Variants in SCN1A observed in about 807,000 individuals in gnomAD.
SCN1A encodes the protein sodium channel protein type 1 subunit alpha.
In SCN1A, 13 loss-of-function variants were observed where a neutral mutation model predicts 193.7. The observed-to-expected ratio is 0.07, with a 90% CI of 0.04 to 0.11. The LOEUF is 0.11. SCN1A is among the 10% of genes least tolerant of loss of function. The pLI, the probability that SCN1A is intolerant of heterozygous loss-of-function variation, is 1.00. For synonymous variants in SCN1A, 781 were observed against 843.6 expected, an observed-to-expected ratio of 0.93 and a Z score of 1.29; for missense variants, 1,432 against 2,451.1, an observed-to-expected ratio of 0.58 and a Z score of 8.78.
intron 1 of SCN1A, among the ~76,000 whole-genome samples, chr2:166,145,773 G>T (rs1245111583): frequency 6.6e-6 from 1 of 152,132 alleles, no homozygotes; most frequent in Non-Finnish European, 1.5e-5. Flanking sequence ...ATAACTTTAT[G>T]ATTATACCAT....
At chr2:166,020,319 C>T (rs495681) in intron 19 of SCN1A, among the ~76,000 whole-genome samples, 35,540 of 151,990 alleles carry the variant, frequency 0.23, 4,616 homozygotes, top group Middle Eastern at 0.41. Context: ...CAACACTTTA[C>T]AGGGACTACT....
chr2:166,044,180 T>C (rs1055539726), intron 13 of SCN1A, 131 bp from the exon 14 acceptor site: 1 of 1,066,836 alleles, frequency 9.4e-7, no homozygotes, highest in Admixed American at 2.4e-5. Flanking sequence ...CTTTTGATTA[T>C]CATTCTCATT....
In SCN1A at chr2:166,024,076, A is replaced by C. The variant is rs574520644; in HGVS notation, c.3430-8349T>G. Among the ~76,000 whole-genome samples, 425 of 152,068 alleles carry C rather than the reference A, an allele frequency of 2.8e-3. 3 individuals are homozygous for C. Among genetic ancestry groups the C allele is most frequent in the Middle Eastern group, 0.01 (3 of 294 alleles). Reference sequence around the variant, plus strand: ...ACAGTGTGAGACACCGCGCCTGGCCAAAAATTTTTTTAAATAGCTGGATGT... The same window carrying C: ...ACAGTGTGAGACACCGCGCCTGGCCCAAAATTTTTTTAAATAGCTGGATGT... On this transcript the variant is annotated intron_variant, in intron 19 of 28. Coordinates refer to ENST00000674923, the MANE Select transcript of SCN1A (RefSeq NM_001165963.4).
intron 19 of SCN1A, among the ~76,000 whole-genome samples, chr2:166,023,414 T>G (rs778056218): frequency 1.3e-4 from 20 of 152,362 alleles, no homozygotes; most frequent in Middle Eastern, 6.8e-3. Flanking sequence ...ACCTCTTACT[T>G]TCTGCGTGGC....
chr2:166,145,142 ATTTTTTTTTTTTTTTTTTT>A (rs10527781), intron 1 of SCN1A, among the ~76,000 whole-genome samples: 1 of 129,024 alleles, frequency 7.8e-6, no homozygotes, highest in East Asian at 2.6e-4. Context: ...GGCCTAAGTA[ATTTTTTTTTTTTTTTTTTT>A]TTTTTTTTTT....
At chr2:166,052,612 G>GAAA (rs34747425) in intron 8 of SCN1A, among the ~76,000 whole-genome samples, 8 of 87,856 alleles carry the variant, frequency 9.1e-5, no homozygotes, top group African/African-American at 2.5e-4. Context: ...CTAACATGGT[G>GAAA]AAAAAAAAAA....
intron 2 of SCN1A, among the ~76,000 whole-genome samples, chr2:166,080,633 GA>G (rs1045361563): frequency 1.0e-5 from 1 of 98,052 alleles, no homozygotes; most frequent in Non-Finnish European, 2.3e-5. Flanking sequence ...AAGAAGACAG[GA>G]AAAAAATAAT....
intron 2 of SCN1A, chr2:166,123,705 T>C (rs1034107201): frequency 6.6e-6 from 1 of 152,198 alleles, no homozygotes; most frequent in Non-Finnish European, 1.5e-5. Flanking sequence ...AAATGACTGA[T>C]TTATGTTTTT....
chr2:166,044,192 T>A, intron 13 of SCN1A, 143 bp from the exon 14 acceptor site: 3 of 1,000,502 alleles, frequency 3.0e-6, no homozygotes, highest in Non-Finnish European at 4.4e-6. Flanking sequence ...ATTCTCATTT[T>A]ATGTGCATTC....
intron 4 of SCN1A, among the ~76,000 whole-genome samples, chr2:166,072,837 C>CTTTTTTTTT (rs796420549): frequency 2.5e-4 from 30 of 119,434 alleles, no homozygotes; most frequent in East Asian, 7.8e-4. Flanking sequence ...TCTCTTCTTT[C>CTTTTTTTTT]TTTTTTTTTT....
chr2:166,085,629 A>G (rs951849551), intron 2 of SCN1A, among the ~76,000 whole-genome samples: 1 of 152,134 alleles, frequency 6.6e-6, no homozygotes, highest in Admixed American at 6.6e-5. Flanking sequence ...AGATCCAGGA[A>G]CGGGGAGAGG....
Position 166,012,612 on chromosome 2 carries a change from C to CTTTTTTTTTTTT in SCN1A, c.3706-342_3706-331dup, listed in dbSNP as rs60890420. On this transcript the variant is annotated intron_variant, in intron 21 of 28. Coordinates refer to ENST00000674923, the MANE Select transcript of SCN1A (RefSeq NM_001165963.4). ...CATTTATTTTGCTTCCTTCTATTGG[C>CTTTTTTTTTTTT]TTTTTTTTTTTTTTTTTTTTTTTGC... Among the ~76,000 whole-genome samples the CTTTTTTTTTTTT allele has an allele frequency of 2.2e-4, 17 of 77,232 alleles. 1 individual carries two copies. The highest frequency in any genetic ancestry group is 4.7e-4 in the African/African-American group (9 of 19,180). 50.7% of individuals were successfully genotyped at this position (77,232 alleles called of 152,430 possible).
In SCN1A at chr2:166,041,344, G is replaced by A. The variant is rs1484260838; in HGVS notation, c.2302C>T (p.Pro768Ser). 6.2e-7 allele frequency: 1 copy of A among 1,612,920 alleles called. No homozygotes were observed. Among genetic ancestry groups the A allele is most frequent in the South Asian group, 1.1e-5 (1 of 91,040 alleles). The change falls in exon 16 of 29, where the codon CCA becomes TCA. Residue 768 changes from proline to serine, a missense_variant. Coordinates refer to ENST00000674923, the MANE Select transcript of SCN1A (RefSeq NM_001165963.4). Reference protein sequence around the residue: ...KHVVNLVVMDPFVDLAITICI... With the variant: ...KHVVNLVVMDSFVDLAITICI... ...ATGGTGATGGCCAGGTCAACAAATG[G>A]GTCCATCACAACCAGGTTGACAACA...
intron 2 of SCN1A, among the ~76,000 whole-genome samples, chr2:166,112,687 A>G (rs1559352458): frequency 1.3e-5 from 2 of 152,110 alleles, no homozygotes; most frequent in African/African-American, 2.4e-5. Flanking sequence ...AAGAGCTTCT[A>G]TAATCTTTAG....
chr2:166,138,186 T>C (rs1691939382), intron 1 of SCN1A, among the ~76,000 whole-genome samples: 1 of 152,194 alleles, frequency 6.6e-6, no homozygotes, highest in African/African-American at 2.4e-5. Context: ...ATTTGCAGCC[T>C]GACAATGCAA....
intron 4 of SCN1A, 63 bp downstream of exon 4, chr2:166,073,295 A>T (rs760909265): frequency 4.4e-6 from 7 of 1,593,720 alleles, no homozygotes; most frequent in Non-Finnish European, 6.0e-6. Flanking sequence ...TGTTGGTGCT[A>T]CAACAGTCCA....
chr2:166,002,281 C>T (rs1382383618), intron 24 of SCN1A, among the ~76,000 whole-genome samples, 191 bp downstream of exon 24: 1 of 151,662 alleles, frequency 6.6e-6, no homozygotes, highest in East Asian at 1.9e-4. Context: ...TCACTACTGA[C>T]TATATCTGCA....
chr2:166,001,614 G>C (rs1690860460), intron 24 of SCN1A, among the ~76,000 whole-genome samples: 1 of 151,502 alleles, frequency 6.6e-6, no homozygotes, highest in Non-Finnish European at 1.5e-5. Context: ...AAATAATCTG[G>C]ACTCTTATTT....
intron 4 of SCN1A, among the ~76,000 whole-genome samples, chr2:166,059,045 G>A (rs1310557978): frequency 3.3e-5 from 5 of 152,030 alleles, no homozygotes; most frequent in Admixed American, 3.3e-4. Context: ...GGCACTACAT[G>A]CTTTTTATAG....
Sources: allele counts gnomAD v4.1 joint callset (sites outside exome capture counted in the v4.1 genomes callset), GRCh38; gene constraint gnomAD v4.1.1; transcripts MANE v1.5; gene names NCBI Gene and HGNC (gene_info 2026-07-23, HGNC 2026-07-21).